Variants in IGSF5 observed in about 807,000 individuals in gnomAD.
IGSF5 encodes immunoglobulin superfamily member 5.
Under a neutral mutation model 39.4 loss-of-function variants are expected in IGSF5, and 41 were observed. That is an observed-to-expected ratio of 1.04 (90% CI 0.81 to 1.35). The LOEUF (loss-of-function observed/expected upper bound fraction) is 1.35, where lower values mean the gene tolerates loss of function less well. Ranked by LOEUF, IGSF5 falls within the 40% of genes most tolerant of loss-of-function variation. The pLI, the probability that IGSF5 is intolerant of heterozygous loss-of-function variation, is 0.00. For missense variants in IGSF5, 487 were observed against 494.6 expected (o/e 0.98, Z 0.15); for synonymous variants, 183 against 175.3 (o/e 1.04, Z -0.34).
chr21:39,765,202 A>G (rs937271728), intron 2 of IGSF5, among the ~76,000 whole-genome samples: 1 of 152,142 alleles, frequency 6.6e-6, no homozygotes, highest in Non-Finnish European at 1.5e-5. Context: ...GGTTGATTTC[A>G]TCTTGAGATC....
In IGSF5 at chr21:39,765,408, GAC is replaced by G. The variant is rs543287631; in HGVS notation, c.101-123_101-122del. On this transcript the variant is annotated intron_variant, in intron 2 of 8. Coordinates refer to ENST00000380588, the MANE Select transcript of IGSF5 (RefSeq NM_001080444.2). Reference sequence around the variant, plus strand: ...GGAGAGCTGGTGTTCGGATTCAAAAGACACAGTCTGAGTCACTGGATGGACAA... The same window carrying G: ...GGAGAGCTGGTGTTCGGATTCAAAAGACAGTCTGAGTCACTGGATGGACAA... 7.5e-5 allele frequency: 60 copies of G among 797,000 alleles called. 1 individual carries two copies. In the East Asian group the frequency reaches 1.3e-3, roughly 18 times the overall value. 49.4% of individuals were successfully genotyped at this position (797,000 alleles called of 1,614,324 possible).
At chr21:39,744,269 C>T (rs1322499851), upstream of IGSF5, among the ~76,000 whole-genome samples, 1 of 152,152 alleles carries the variant, frequency 6.6e-6, no homozygotes, top group Non-Finnish European at 1.5e-5. Flanking sequence ...GGGCTGGGTT[C>T]CTGAGTATTT....
In IGSF5 at chr21:39,799,290, C is replaced by A. The variant is rs576980978; in HGVS notation, c.1129-1972C>A. 5.3e-5 allele frequency among the ~76,000 whole-genome samples: 8 copies of A among 152,288 alleles called. No homozygotes were observed. The East Asian group carries it at 1.4e-3, about 26-fold the overall frequency. On this transcript the variant is annotated intron_variant, in intron 8 of 8. Transcript: ENST00000380588. ...TTTCCTAAAGAATGCTTGCTGAACA[C>A]GGAGGTGCACCCAGCGCCTATAAAT...
the IGSF5 span, among the ~76,000 whole-genome samples, chr21:39,733,477 A>G: frequency 6.6e-6 from 1 of 152,268 alleles, no homozygotes; most frequent in Non-Finnish European, 1.5e-5. Context: ...AGTTCTTTAA[A>G]TAATTGGCAG....
intron 3 of IGSF5, among the ~76,000 whole-genome samples, chr21:39,769,975 A>C (rs1283234072): frequency 6.6e-6 from 1 of 152,220 alleles, no homozygotes; most frequent in Non-Finnish European, 1.5e-5. Context: ...TCATTCAGTA[A>C]GTACAACAAA....
chr21:39,738,601 G>A, the IGSF5 span, among the ~76,000 whole-genome samples: 51 of 152,270 alleles, frequency 3.3e-4, no homozygotes, highest in Non-Finnish European at 6.2e-4. The surrounding 1 kb of genome is among the most constrained non-coding windows in gnomAD (Gnocchi z 6.4). Context: ...CAAGTGGTTC[G>A]ATTTGGGAGC....
intron 8 of IGSF5, among the ~76,000 whole-genome samples, chr21:39,795,559 G>A (rs1395669700): frequency 6.6e-6 from 1 of 151,430 alleles, no homozygotes; most frequent in Non-Finnish European, 1.5e-5. Flanking sequence ...TATGAATGAG[G>A]AGGAAGGGGA....
the IGSF5 span, among the ~76,000 whole-genome samples, chr21:39,739,417 T>C: frequency 6.6e-6 from 1 of 152,110 alleles, no homozygotes; most frequent in Non-Finnish European, 1.5e-5. Context: ...CAACAGATGA[T>C]TGGTTATTTC....
At chr21:39,742,696 T>C (rs2079953523), upstream of IGSF5, among the ~76,000 whole-genome samples, 1 of 152,210 alleles carries the variant, frequency 6.6e-6, no homozygotes, top group Non-Finnish European at 1.5e-5. Flanking sequence ...AAGTAAGCCC[T>C]ATTAGGCATT....
upstream of IGSF5, among the ~76,000 whole-genome samples, chr21:39,741,086 C>T (rs932985348): frequency 1.3e-5 from 2 of 151,878 alleles, no homozygotes; most frequent in Non-Finnish European, 2.9e-5. Context: ...TAGAGCTATT[C>T]ATGTTTTTTT....
At chr21:39,734,595 T>C in the IGSF5 span, among the ~76,000 whole-genome samples, 3 of 152,074 alleles carry the variant, frequency 2.0e-5, no homozygotes, top group Admixed American at 1.3e-4. Flanking sequence ...TTAAACTGAC[T>C]CCATGGTAGC....
chr21:39,788,576 G>A (rs992275909), intron 6 of IGSF5, among the ~76,000 whole-genome samples: 2 of 152,236 alleles, frequency 1.3e-5, no homozygotes, highest in African/African-American at 4.8e-5. Flanking sequence ...GGATAGTGGA[G>A]AGCAGTGAGC....
the IGSF5 span, among the ~76,000 whole-genome samples, chr21:39,723,375 G>C: frequency 6.6e-6 from 1 of 152,320 alleles, no homozygotes; most frequent in Admixed American, 6.5e-5. Context: ...CACCTGCTGA[G>C]AAGGGAATAG....
At chr21:39,712,741 G>A in the IGSF5 span, among the ~76,000 whole-genome samples, 1 of 152,258 alleles carries the variant, frequency 6.6e-6, no homozygotes, top group East Asian at 1.9e-4. Context: ...CCTCCTTGTT[G>A]TTTGATGTCT....
At chr21:39,716,187 C>G in the IGSF5 span, among the ~76,000 whole-genome samples, 1 of 152,194 alleles carries the variant, frequency 6.6e-6, no homozygotes, top group Non-Finnish European at 1.5e-5. Context: ...AGTGCCCTCC[C>G]TCATGACTCG....
chr21:39,793,414 T>C (rs1418792838), intron 7 of IGSF5, 120 bp from the exon 8 acceptor site: 1 of 687,200 alleles, frequency 1.5e-6, no homozygotes, highest in Non-Finnish European at 2.6e-6. Flanking sequence ...TGTTCATGGT[T>C]AAGGATTATG....
At chr21:39,726,552 G>A in the IGSF5 span, among the ~76,000 whole-genome samples, 1 of 152,170 alleles carries the variant, frequency 6.6e-6, no homozygotes, top group Admixed American at 6.5e-5. Context: ...GGCAGGGCAG[G>A]GTGGAGGCGG....
intron 2 of IGSF5, among the ~76,000 whole-genome samples, chr21:39,753,208 G>A (rs1054675747): frequency 6.6e-6 from 1 of 152,134 alleles, no homozygotes; most frequent in African/African-American, 2.4e-5. Flanking sequence ...TCTTCTATGT[G>A]TGGCTTGCCA....
intron 8 of IGSF5, among the ~76,000 whole-genome samples, chr21:39,795,295 G>A (rs754870026): frequency 2.0e-5 from 3 of 152,114 alleles, no homozygotes; most frequent in Non-Finnish European, 4.4e-5. Flanking sequence ...GGTGGCAGTG[G>A]AAGGGAGTGA....
Sources: gnomAD v4.1 joint callset for allele counts (sites outside exome capture counted in the v4.1 genomes callset) on GRCh38, gnomAD v4.1.1 for gene constraint, Gnocchi (gnomAD v3.1) non-coding constraint, MANE v1.5 for transcripts, NCBI Gene and HGNC (gene_info 2026-07-23, HGNC 2026-07-21) for gene names.